TBC1D22B: variants seen among roughly 807,000 people sequenced by gnomAD.
TBC1D22B encodes TBC1 domain family member 22B.
Under a neutral mutation model 69.1 loss-of-function variants are expected in TBC1D22B, and 32 were observed. The observed-to-expected ratio is 0.46, with a 90% CI of 0.35 to 0.62. The LOEUF is 0.62. Ranked by LOEUF, TBC1D22B falls within the 20% of genes least tolerant of loss-of-function variation. The pLI, the probability that TBC1D22B is intolerant of heterozygous loss-of-function variation, is 0.00. For synonymous variants in TBC1D22B, 206 were observed against 229.8 expected (o/e 0.90, Z 0.94); for missense variants, 462 against 630.9 (o/e 0.73, Z 2.87).
At chr6:37,316,548 C>T (rs182391952) in intron 10 of TBC1D22B, among the ~76,000 whole-genome samples, 155 bp from the exon 11 acceptor site, 2 of 152,300 alleles carry the variant, frequency 1.3e-5, no homozygotes, top group East Asian at 3.9e-4. Context: ...ATGATGGAAT[C>T]AAACATAAAG....
chr6:37,257,939 C>T lies in TBC1D22B; in HGVS notation c.22C>T (p.Gln8Ter). The change falls in exon 1 of 13, where the codon CAG (glutamine) becomes TAG (stop). Residue 8 changes from glutamine to a stop codon, truncating the protein, a stop_gained. Coordinates refer to ENST00000373491, the MANE Select transcript of TBC1D22B (RefSeq NM_017772.4). LOFTEE classifies it high-confidence loss of function. MAAENSK[Q>*]FWKRSAKLPG... Reference sequence around the variant, plus strand: ...AGCAATGGCCGCTGAGAACAGCAAGCAGTTTTGGAAGAGGAGCGCTAAGCT... The same window carrying T: ...AGCAATGGCCGCTGAGAACAGCAAGTAGTTTTGGAAGAGGAGCGCTAAGCT... 6.2e-7 allele frequency: 1 copy of T among 1,614,072 alleles called. No individual in the cohort carries two copies. Among genetic ancestry groups the T allele is most frequent in the Non-Finnish European group, 8.5e-7 (1 of 1,179,984 alleles).
chr6:37,306,386 G>T (rs57167818), intron 8 of TBC1D22B, among the ~76,000 whole-genome samples: 2 of 152,178 alleles, frequency 1.3e-5, no homozygotes, highest in African/African-American at 4.8e-5. Context: ...GACACTGGCA[G>T]TGGGGACCCT....
rs1275528721 is a variant in TBC1D22B at position 37,269,650 on chromosome 6, A to G, written c.113A>G (p.Asn38Ser). Residue 38 changes from asparagine (N) to serine (S), a missense_variant and splice_region_variant, in exon 2 of 13, where the codon AAT becomes AGT. By Grantham distance (46) the Asn-to-Ser change is conservative (BLOSUM62 1). Around this residue, in one of 2 missense-constraint regions of TBC1D22B, gnomAD observed 237 missense variants for 255.4 expected, o/e 0.93. Transcript: ENST00000373491. ...HPPLDPRLTK[N>S]FIKERSKVNT... Reference sequence around the variant, plus strand: ...CCTCTTGACCCACGGCTCACCAAAAAGTAAGTCAAGACATTTTCGTTTTAT... The same window carrying G: ...CCTCTTGACCCACGGCTCACCAAAAGGTAAGTCAAGACATTTTCGTTTTAT... 1 of 1,614,048 alleles carries G rather than the reference A, an allele frequency of 6.2e-7. No homozygotes were observed. The highest frequency in any genetic ancestry group is 8.5e-7 in the Non-Finnish European group (1 of 1,180,028).
intron 1 of TBC1D22B, among the ~76,000 whole-genome samples, chr6:37,262,422 G>T (rs1766137127): frequency 6.6e-6 from 1 of 152,150 alleles, no homozygotes; most frequent in South Asian, 2.1e-4. Flanking sequence ...GGCTCAAGCA[G>T]TCTGCCCACT....
At chr6:37,279,710 C>T in intron 3 of TBC1D22B, 99 bp downstream of exon 3, 1 of 1,268,654 alleles carries the variant, frequency 7.9e-7, no homozygotes, top group South Asian at 1.5e-5. Flanking sequence ...GGTAGATATT[C>T]AACTGGGCGG....
At chr6:37,266,851 G>C in intron 1 of TBC1D22B, among the ~76,000 whole-genome samples, 1 of 147,426 alleles carries the variant, frequency 6.8e-6, no homozygotes, top group East Asian at 2.1e-4. Flanking sequence ...TAATAGGTAA[G>C]TTAGCTCCTT....
intron 12 of TBC1D22B, among the ~76,000 whole-genome samples, chr6:37,323,970 G>A (rs943036294): frequency 6.6e-6 from 1 of 152,194 alleles, no homozygotes. Flanking sequence ...AAAAGCCAAT[G>A]AATAAAAGTT....
At chr6:37,282,064 A>T in intron 3 of TBC1D22B, 121 bp from the exon 4 acceptor site, 1 of 1,094,026 alleles carries the variant, frequency 9.1e-7, no homozygotes, top group Non-Finnish European at 1.4e-6. Context: ...CACCTCAGAC[A>T]GTGCACACAG....
Position 37,332,145 on chromosome 6 carries a change from G to A in TBC1D22B, c.*973G>A, listed in dbSNP as rs1202968112. 1.3e-5 allele frequency: 2 copies of A among 152,626 alleles called. No individual in the cohort carries two copies. Among genetic ancestry groups the A allele is most frequent in the Non-Finnish European group, 2.9e-5 (2 of 68,074 alleles). 9.5% of individuals were successfully genotyped at this position (152,626 alleles called of 1,614,324 possible). The stretch of plus-strand genomic sequence containing the variant: ...CAGGAAGGTGGCTTCAGCACCTCCA[G>A]GTTGGTTCTGGGTGTCCTGCTGTGA... On this transcript the variant is annotated 3_prime_UTR_variant, in exon 13 of 13. Transcript: ENST00000373491.
chr6:37,265,821 T>A (rs986191846), intron 1 of TBC1D22B, among the ~76,000 whole-genome samples: 1 of 152,230 alleles, frequency 6.6e-6, no homozygotes, highest in African/African-American at 2.4e-5. Context: ...AGATTTCCTC[T>A]GAAATCTTAA....
In TBC1D22B at chr6:37,301,176, C is replaced by A. The variant is rs116626469; in HGVS notation, c.982+9819C>A. 4.3e-3 allele frequency among the ~76,000 whole-genome samples: 652 copies of A among 152,260 alleles called. 8 individuals are homozygous for A. Among genetic ancestry groups the A allele is most frequent in the African/African-American group, 0.015 (624 of 41,550 alleles). On this transcript the variant is annotated intron_variant, in intron 8 of 12. Coordinates refer to ENST00000373491, the MANE Select transcript of TBC1D22B (RefSeq NM_017772.4). ...AGGAGTGGGGAACCTTTTATTAATA[C>A]AATTTTTATTGGAGTTGCAATAAAT... is the stretch of plus-strand genomic sequence containing the variant.
chr6:37,321,778 G>A (rs993059249), intron 12 of TBC1D22B, among the ~76,000 whole-genome samples: 2 of 152,172 alleles, frequency 1.3e-5, no homozygotes, highest in African/African-American at 4.8e-5. Flanking sequence ...GGGCCCTTGT[G>A]GAGCTCTCAG....
chr6:37,297,769 A>G (rs928506125), intron 8 of TBC1D22B, among the ~76,000 whole-genome samples: 2 of 152,240 alleles, frequency 1.3e-5, no homozygotes, highest in African/African-American at 4.8e-5. Context: ...AACACTGTTC[A>G]CAATAGTAAA....
chr6:37,291,497 C>A, intron 8 of TBC1D22B, 140 bp downstream of exon 8: 1 of 570,748 alleles, frequency 1.8e-6, no homozygotes. Flanking sequence ...ACAGCTAAAA[C>A]TACTTTTAAC....
intron 2 of TBC1D22B, among the ~76,000 whole-genome samples, chr6:37,273,576 A>T (rs1025648995): frequency 6.6e-6 from 1 of 152,244 alleles, no homozygotes; most frequent in African/African-American, 2.4e-5. Flanking sequence ...CCTGTTGATG[A>T]TATAAAATCA....
intron 10 of TBC1D22B, 90 bp downstream of exon 10, chr6:37,313,981 C>T: frequency 8.3e-7 from 1 of 1,211,574 alleles, no homozygotes; most frequent in East Asian, 2.4e-5. Context: ...CCTCAGCTGT[C>T]TTCCTAGCCA....
intron 1 of TBC1D22B, among the ~76,000 whole-genome samples, chr6:37,259,429 A>G (rs1265288961): frequency 6.6e-6 from 1 of 152,130 alleles, no homozygotes; most frequent in Admixed American, 6.5e-5. Flanking sequence ...TAGTGAGATC[A>G]TTAAATTTTG....
intron 8 of TBC1D22B, among the ~76,000 whole-genome samples, chr6:37,300,445 T>C (rs1341955078): frequency 6.6e-6 from 1 of 152,170 alleles, no homozygotes; most frequent in Non-Finnish European, 1.5e-5. Flanking sequence ...CACTGCAACT[T>C]TCATCTCCCA....
rs1261127500 is a variant in TBC1D22B, at chr6:37,269,632, A to T, written c.95A>T (p.Asp32Val). Reference protein sequence around the residue: ...PVYGAQHPPLDPRLTKNFIKE... With the variant: ...PVYGAQHPPLVPRLTKNFIKE... ...TATGGAGCACAGCATCCTCCTCTTG[A>T]CCCACGGCTCACCAAAAAGTAAGTC... The change falls in exon 2 of 13, where the codon GAC (aspartate) becomes GTC (valine). Residue 32 changes from aspartate (D) to valine (V), a missense_variant. By Grantham distance (152) the Asp-to-Val change is radical. This residue lies in a region of TBC1D22B where 237 missense variants were observed against 255.4 expected (regional missense o/e 0.93). Transcript: ENST00000373491. 1 of 1,613,970 alleles carries T rather than the reference A, an allele frequency of 6.2e-7. No individual in the cohort carries two copies. The highest frequency in any genetic ancestry group is 8.5e-7 in the Non-Finnish European group (1 of 1,180,012).
Sources: allele counts gnomAD v4.1 joint callset (sites outside exome capture counted in the v4.1 genomes callset), GRCh38; gene constraint gnomAD v4.1.1; regional missense constraint gnomAD v4.1.1; transcripts MANE v1.5; gene names NCBI Gene and HGNC (gene_info 2026-07-23, HGNC 2026-07-21).